Variants in SPINK5 observed in about 807,000 individuals in gnomAD.
SPINK5 encodes the protein serine protease inhibitor Kazal-type 5.
SPINK5 carries 125 observed loss-of-function variants against 151.8 expected under a neutral mutation model. The ratio of observed to expected loss-of-function variants is 0.82; its 90% confidence interval spans 0.71 to 0.96. The LOEUF (loss-of-function observed/expected upper bound fraction) is 0.96, where lower values mean the gene tolerates loss of function less well. SPINK5 is among the 40% of genes least tolerant of loss of function. The pLI is 0.00. For missense variants in SPINK5, 1,194 were observed against 1,291.9 expected (o/e 0.92, Z 1.16); for synonymous variants, 374 against 395.3 (o/e 0.95, Z 0.64).
At chr5:148,067,447 T>G (rs1322952588) in intron 2 of SPINK5, among the ~76,000 whole-genome samples, 1 of 152,112 alleles carries the variant, frequency 6.6e-6, no homozygotes, top group East Asian at 1.9e-4. Context: ...TCAGGATGAC[T>G]TTTGGTCTAA....
At chr5:148,093,554 G>A (rs1753370205) in intron 8 of SPINK5, among the ~76,000 whole-genome samples, 1 of 151,766 alleles carries the variant, frequency 6.6e-6, no homozygotes, top group Non-Finnish European at 1.5e-5. Flanking sequence ...TAACACTGTT[G>A]GATAACATCT....
chr5:148,121,708 A>G (rs564825684), intron 26 of SPINK5, among the ~76,000 whole-genome samples: 1 of 151,954 alleles, frequency 6.6e-6, no homozygotes. Flanking sequence ...TTTTAATCCC[A>G]GTGTTTTGGG....
At chr5:148,104,087 A>G (rs538096566) in intron 15 of SPINK5, among the ~76,000 whole-genome samples, 1 of 152,308 alleles carries the variant, frequency 6.6e-6, no homozygotes, top group African/African-American at 2.4e-5. Context: ...TATAACAATT[A>G]TATCAATTAT....
At chr5:148,079,019 C>T (rs1377380159) in intron 4 of SPINK5, among the ~76,000 whole-genome samples, 1 of 150,442 alleles carries the variant, frequency 6.6e-6, no homozygotes, top group East Asian at 2.0e-4. Flanking sequence ...CCTGACAAAC[C>T]CTTAGTTTTA....
intron 10 of SPINK5, 42 bp downstream of exon 10, chr5:148,095,947 T>A: frequency 6.8e-7 from 1 of 1,469,526 alleles, no homozygotes; most frequent in African/African-American, 1.5e-5. Flanking sequence ...CTTGTGTGTG[T>A]GTGGGGGGGT....
chr5:148,106,236 A>G (rs1753779342), intron 16 of SPINK5, among the ~76,000 whole-genome samples: 1 of 151,986 alleles, frequency 6.6e-6, no homozygotes, highest in African/African-American at 2.4e-5. Context: ...ATTTTTTTAA[A>G]TCAATTTACT....
chr5:148,096,215 C>T (rs984912520), intron 10 of SPINK5, among the ~76,000 whole-genome samples: 3 of 151,858 alleles, frequency 2.0e-5, no homozygotes, highest in Non-Finnish European at 2.9e-5. Flanking sequence ...ATGTAGTCTT[C>T]GATGTGTGGT....
At chr5:148,109,635 A>G (rs888365661) in intron 18 of SPINK5, among the ~76,000 whole-genome samples, 7 of 152,050 alleles carry the variant, frequency 4.6e-5, no homozygotes, top group African/African-American at 1.4e-4. Flanking sequence ...TTTAGATTTT[A>G]CACGCTTCTG....
intron 28 of SPINK5, among the ~76,000 whole-genome samples, chr5:148,125,135 C>A (rs553752245): frequency 3.9e-5 from 6 of 152,108 alleles, no homozygotes; most frequent in South Asian, 2.1e-4. Context: ...AACTCAACTG[C>A]ATGCTTATCT....
At chr5:148,130,226 G>A (rs1012672952) in intron 30 of SPINK5, among the ~76,000 whole-genome samples, 1 of 151,624 alleles carries the variant, frequency 6.6e-6, no homozygotes, top group Non-Finnish European at 1.5e-5. Context: ...TTGGCTGCTG[G>A]GATTTGATAG....
intron 6 of SPINK5, 170 bp from the exon 7 acceptor site, chr5:148,089,323 TA>T: frequency 3.5e-6 from 3 of 845,700 alleles, no homozygotes; most frequent in Non-Finnish European, 5.8e-6. Flanking sequence ...AAAAGTTTTA[TA>T]TTTAACCACA....
At chr5:148,109,882 A>G (rs1378095801) in intron 18 of SPINK5, among the ~76,000 whole-genome samples, 6 of 152,168 alleles carry the variant, frequency 3.9e-5, no homozygotes, top group Non-Finnish European at 8.8e-5. Context: ...AGTGCCATAC[A>G]TGGTCTGATC....
rs754144897 is a variant in SPINK5 at position 148,095,916 on chromosome 5, G to A, written c.882+11G>A. The A allele has an allele frequency of 2.8e-5, 45 of 1,603,738 alleles. 1 individual carries two copies. The South Asian group carries it at 4.6e-4, about 16-fold the overall frequency. The stretch of plus-strand genomic sequence containing the variant: ...AAAAGAGAAATTGTGGTGAGAATCA[G>A]TTTGATCAATCTAGTTACAACTTGT... On this transcript the variant is annotated intron_variant, in intron 10 of 32. Coordinates refer to ENST00000256084, the MANE Select transcript of SPINK5 (RefSeq NM_006846.4).
At chr5:148,110,344 A>C (rs1003098354) in intron 18 of SPINK5, among the ~76,000 whole-genome samples, 1 of 152,160 alleles carries the variant, frequency 6.6e-6, no homozygotes, top group East Asian at 1.9e-4. Context: ...TTCAACATAC[A>C]ATGAACTTTA....
At position 148,111,721 on chromosome 5, in the gene SPINK5, T is replaced by C. The variant is rs751425246; in HGVS notation, c.1693-47T>C. ...CAGTATTGTGGAGGAAGATTTCTAG[T>C]GTTTAGTTATTGGACTCTTAAAACC... On this transcript the variant is annotated intron_variant, in intron 18 of 32. Coordinates refer to ENST00000256084, the MANE Select transcript of SPINK5 (RefSeq NM_006846.4). 5 of 1,613,378 alleles carry C rather than the reference T, an allele frequency of 3.1e-6. No individual in the cohort carries two copies. The Admixed American group carries it at 6.7e-5, about 22-fold the overall frequency.
At chr5:148,098,140 C>T in intron 11 of SPINK5, 146 bp downstream of exon 11, 1 of 789,026 alleles carries the variant, frequency 1.3e-6, no homozygotes, top group Non-Finnish European at 2.1e-6. Context: ...AGTGATAGAG[C>T]TGGGAGTAAG....
intron 28 of SPINK5, 70 bp downstream of exon 28, chr5:148,124,907 C>T (rs1309628531): frequency 1.4e-6 from 2 of 1,413,972 alleles, no homozygotes; most frequent in Admixed American, 2.9e-5. Context: ...TCTTCTCCAG[C>T]TTTGGGAATA....
intron 28 of SPINK5, chr5:148,125,379 A>C: frequency 1.3e-6 from 1 of 745,218 alleles, no homozygotes; most frequent in Non-Finnish European, 2.4e-6. Context: ...TAACAATCAC[A>C]TTTGTAGAGT....
rs201911503 is a variant in SPINK5, at chr5:148,094,439, G to A, written c.752G>A (p.Gly251Asp). Residue 251 changes from glycine to aspartate, a missense_variant, in exon 9 of 33, where the codon GGC (glycine) becomes GAC (aspartate). Gly to Asp is a moderately conservative substitution (Grantham distance 94, BLOSUM62 -1). Coordinates refer to ENST00000256084, the MANE Select transcript of SPINK5 (RefSeq NM_006846.4). ...RESDPVRGPD[G>D]RMHGNKCALC... Reference sequence around the variant, plus strand: ...AGTGATCCAGTCCGTGGCCCTGACGGCAGGATGCATGGCAACAAATGTGCC... The same window carrying A: ...AGTGATCCAGTCCGTGGCCCTGACGACAGGATGCATGGCAACAAATGTGCC... 1 of 1,612,832 alleles carries A rather than the reference G, an allele frequency of 6.2e-7. No individual in the cohort carries two copies. The highest frequency in any genetic ancestry group is 8.5e-7 in the Non-Finnish European group (1 of 1,179,152).
Sources: gnomAD v4.1 joint callset for allele counts (sites outside exome capture counted in the v4.1 genomes callset) on GRCh38, gnomAD v4.1.1 for gene constraint, MANE v1.5 for transcripts, NCBI Gene and HGNC (gene_info 2026-07-23, HGNC 2026-07-21) for gene names.